The following ABCG8 variants were observed in gnomAD, a reference collection of about 807,000 sequenced individuals.
ABCG8 encodes ATP binding cassette subfamily G member 8.
A neutral mutation model predicts 71.3 loss-of-function variants in ABCG8; 81 were observed. The observed-to-expected ratio is 1.14, with a 90% confidence interval of 0.95 to 1.37. The LOEUF is 1.37. Ranked by LOEUF, ABCG8 falls within the 40% of genes most tolerant of loss-of-function variation. The pLI, the probability that ABCG8 is intolerant of heterozygous loss-of-function variation, is 0.00. For missense variants in ABCG8, 1,119 were observed against 866.2 expected, an observed-to-expected ratio of 1.29 and a Z score of -3.66; for synonymous variants, 451 against 354.7, an observed-to-expected ratio of 1.27 and a Z score of -3.05.
intron 9 of ABCG8, 68 bp downstream of exon 9, chr2:43,874,054 CCT>C: frequency 2.0e-6 from 3 of 1,486,056 alleles, no homozygotes; most frequent in Non-Finnish European, 2.7e-6. Context: ...CCTCTGAGCT[CCT>C]GGGGAGCGGG....
chr2:43,874,272 C>A, intron 9 of ABCG8, 135 bp from the exon 10 acceptor site: 2 of 876,458 alleles, frequency 2.3e-6, no homozygotes, highest in South Asian at 1.4e-5. Context: ...CTTTACTGTG[C>A]CTATTTAAAA....
chr2:43,874,480 C>T lies in ABCG8; in HGVS notation c.1485C>T (p.Ala495=). ...GLYTTGPYFF[A]KILGELPEHC... is the part of the protein sequence containing the mutation. ...ACACCACTGGTCCATATTTCTTTGC[C>T]AAGGTGACTGGGCAGGGTTGAGAGC... Residue 495 remains alanine (A), a synonymous_variant, in exon 10 of 13, where the codon GCC becomes GCT. Transcript: ENST00000272286. The T allele has an allele frequency of 1.2e-6, 2 of 1,611,372 alleles. No individual in the cohort carries two copies. Among genetic ancestry groups the T allele is most frequent in the South Asian group, 1.1e-5 (1 of 90,854 alleles).
At chr2:43,858,148 C>T (rs1669178238) in intron 6 of ABCG8, among the ~76,000 whole-genome samples, 1 of 151,514 alleles carries the variant, frequency 6.6e-6, no homozygotes, top group African/African-American at 2.4e-5. Flanking sequence ...ATAGAACTCT[C>T]ACTATTTGTC....
At chr2:43,839,274 G>A (rs1444525536) in intron 1 of ABCG8, among the ~76,000 whole-genome samples, 158 bp downstream of exon 1, 1 of 152,134 alleles carries the variant, frequency 6.6e-6, no homozygotes, top group Non-Finnish European at 1.5e-5. Flanking sequence ...TCAAAGGGCG[G>A]AGGGGAACAG....
rs1668678020 is a variant in ABCG8 at position 43,844,489 on chromosome 2, C to T, written c.64-18C>T. 1.2e-6 allele frequency: 2 copies of T among 1,601,754 alleles called. No individual in the cohort carries two copies. Among genetic ancestry groups the T allele is most frequent in the Non-Finnish European group, 1.7e-6 (2 of 1,168,786 alleles). On this transcript the variant is annotated intron_variant, in intron 1 of 12. Transcript: ENST00000272286. The stretch of plus-strand genomic sequence containing the variant: ...AGCAGCTTCTAAAGGAGCCCCTCAT[C>T]TCTCCTGTCTCCCACAGGGCCTCCA...
intron 3 of ABCG8, among the ~76,000 whole-genome samples, chr2:43,848,755 C>T (rs1167077714): frequency 2.6e-5 from 4 of 152,078 alleles, no homozygotes; most frequent in Non-Finnish European, 5.9e-5. Context: ...GTGGCTCATG[C>T]CTGTAATCCC....
At chr2:43,855,683 T>C (rs897685048) in intron 6 of ABCG8, among the ~76,000 whole-genome samples, 4 of 152,058 alleles carry the variant, frequency 2.6e-5, no homozygotes, top group Admixed American at 6.5e-5. Flanking sequence ...ACTGTCTGGA[T>C]AAAATTCTCA....
At chr2:43,875,497 C>G in intron 11 of ABCG8, 84 bp downstream of exon 11, 1 of 1,514,056 alleles carries the variant, frequency 6.6e-7, no homozygotes, top group African/African-American at 1.4e-5. Flanking sequence ...GAGATGGACA[C>G]TTATCACTTA....
Position 43,872,100 on chromosome 2 carries a change from A to T in ABCG8, c.1089A>T (p.Ala363=). The change falls in exon 7 of 13, where the codon GCA becomes GCT. Residue 363 remains alanine, a synonymous_variant. Transcript: ENST00000272286. ...VRDLDDFLWK[A]ETKDLDEDTC... Reference sequence around the variant, plus strand: ...ACTTAGATGACTTTCTATGGAAAGCAGAGACGAAGGATCTTGACGAGGACA... The same window carrying T: ...ACTTAGATGACTTTCTATGGAAAGCTGAGACGAAGGATCTTGACGAGGACA... The T allele has an allele frequency of 6.2e-7, 1 of 1,614,162 alleles. No homozygotes were observed. Among genetic ancestry groups the T allele is most frequent in the Non-Finnish European group, 8.5e-7 (1 of 1,180,046 alleles).
At chr2:43,842,307 A>T (rs548310180) in intron 1 of ABCG8, among the ~76,000 whole-genome samples, 19 of 152,282 alleles carry the variant, frequency 1.2e-4, no homozygotes, top group South Asian at 4.1e-4. Context: ...GCCACTGCGC[A>T]CAGCTGGCAA....
At chr2:43,856,124 A>G (rs1157536633) in intron 6 of ABCG8, among the ~76,000 whole-genome samples, 1 of 151,996 alleles carries the variant, frequency 6.6e-6, no homozygotes, top group African/African-American at 2.4e-5. Flanking sequence ...CACTCTGGGT[A>G]GAACTCCCAC....
intron 6 of ABCG8, among the ~76,000 whole-genome samples, chr2:43,860,089 A>G (rs1669253933): frequency 7.3e-6 from 1 of 136,286 alleles, no homozygotes; most frequent in African/African-American, 2.8e-5. Context: ...CTCTGGACAG[A>G]ACTCTGAGTA....
intron 6 of ABCG8, among the ~76,000 whole-genome samples, chr2:43,865,477 A>G (rs1436347597): frequency 6.6e-6 from 1 of 151,848 alleles, no homozygotes; most frequent in South Asian, 2.1e-4. Context: ...GTCTCTGCAT[A>G]GCACTCTCAC....
At chr2:43,851,307 G>A (rs1347528624) in intron 3 of ABCG8, among the ~76,000 whole-genome samples, 1 of 152,230 alleles carries the variant, frequency 6.6e-6, no homozygotes, top group Non-Finnish European at 1.5e-5. Context: ...GCTTTCTCCT[G>A]TCAGGCCACC....
At chr2:43,850,161 C>T (rs996445771) in intron 3 of ABCG8, among the ~76,000 whole-genome samples, 1 of 151,990 alleles carries the variant, frequency 6.6e-6, no homozygotes, top group Non-Finnish European at 1.5e-5. Flanking sequence ...ATGGTAGAGG[C>T]TGCAGTGCTC....
In ABCG8 at chr2:43,880,027, C is replaced by T. The variant is rs560223977; in HGVS notation, c.*2114C>T. The T allele has an allele frequency of 1.3e-5, 2 of 152,082 alleles. No homozygotes were observed. Among genetic ancestry groups the T allele is most frequent in the African/African-American group, 4.8e-5 (2 of 41,486 alleles). 9.4% of individuals were successfully genotyped at this position (152,082 alleles called of 1,614,324 possible). A position where few individuals can be genotyped will look rare whatever the true frequency, so the allele number is the denominator to read the frequency against. On this transcript the variant is annotated 3_prime_UTR_variant, in exon 13 of 13. Transcript: ENST00000272286. ...TGAATTCCCATTGTATCCTTACAAC[C>T]CTTTATTATTGTGATTAATTCTGAT... is the stretch of plus-strand genomic sequence containing the variant.
chr2:43,877,564 C>T lies in ABCG8; in HGVS notation c.1760C>T (p.Pro587Leu), dbSNP rs374408464. 2 of 1,613,718 alleles carry T rather than the reference C, an allele frequency of 1.2e-6. No individual in the cohort carries two copies. Among genetic ancestry groups the T allele is most frequent in the Non-Finnish European group, 1.7e-6 (2 of 1,180,008 alleles). ...MINLSSLWTVPAWISKVSFLR... is the reference protein window; with the variant it reads ...MINLSSLWTVLAWISKVSFLR... ...TAACGCGGCTGTCTGTCTCCAGTGC[C>T]CGCGTGGATTTCCAAAGTGTCCTTC... is the stretch of plus-strand genomic sequence containing the variant. The change falls in exon 12 of 13, where the codon CCC (proline) becomes CTC (leucine). Residue 587 changes from proline (P) to leucine (L), a missense_variant. Coordinates refer to ENST00000272286, the MANE Select transcript of ABCG8 (RefSeq NM_022437.3).
chr2:43,877,722 G>A (rs370048642), intron 12 of ABCG8, 34 bp downstream of exon 12: 1 of 1,614,058 alleles, frequency 6.2e-7, no homozygotes, highest in African/African-American at 1.3e-5. Flanking sequence ...CTAAATTATT[G>A]GACGTCCGGC....
At chr2:43,840,214 T>A (rs1668529142) in intron 1 of ABCG8, among the ~76,000 whole-genome samples, 1 of 152,178 alleles carries the variant, frequency 6.6e-6, no homozygotes, top group Non-Finnish European at 1.5e-5. Context: ...GGCCTTGAGT[T>A]TCCAGGACTT....
Sources: allele counts gnomAD v4.1 joint callset (sites outside exome capture counted in the v4.1 genomes callset), GRCh38; gene constraint gnomAD v4.1.1; transcripts MANE v1.5; gene names NCBI Gene and HGNC (gene_info 2026-07-23, HGNC 2026-07-21).